ZNF207: variants seen among roughly 807,000 people sequenced by gnomAD.
ZNF207 encodes the protein zinc finger protein 207.
ZNF207 carries 24 observed loss-of-function variants against 60.2 expected under a neutral mutation model. That is an observed-to-expected ratio of 0.40 (90% CI 0.29 to 0.56). ZNF207 has a LOEUF of 0.56. Among genes scored for constraint, ZNF207 ranks in the 20% least tolerant of loss-of-function variants. ZNF207 has a pLI of 0.49. For synonymous variants in ZNF207, 236 were observed against 194.7 expected (o/e 1.21, Z -1.77); for missense variants, 452 against 636.6 (o/e 0.71, Z 3.12).
intron 6 of ZNF207, among the ~76,000 whole-genome samples, chr17:32,362,296 C>T (rs1041013929): frequency 6.6e-6 from 1 of 152,154 alleles, no homozygotes; most frequent in African/African-American, 2.4e-5. Context: ...TCTGGGACTA[C>T]AGGCGCACAC....
intron 3 of ZNF207, among the ~76,000 whole-genome samples, chr17:32,359,502 C>T (rs1904735353): frequency 6.6e-6 from 1 of 152,202 alleles, no homozygotes; most frequent in African/African-American, 2.4e-5. Context: ...CCTGCTGAGG[C>T]CTCCCTAAGT....
intron 2 of ZNF207, among the ~76,000 whole-genome samples, chr17:32,356,603 G>A (rs1039484523): frequency 2.0e-5 from 3 of 152,078 alleles, no homozygotes; most frequent in Non-Finnish European, 4.4e-5. Flanking sequence ...GTCTTAGGAG[G>A]AAAGAAAAAA....
chr17:32,358,690 T>G, intron 3 of ZNF207, 49 bp downstream of exon 3: 1 of 1,316,340 alleles, frequency 7.6e-7, no homozygotes, highest in Non-Finnish European at 9.7e-7. Flanking sequence ...TTTTTAATTT[T>G]TTTTTTTTTG....
chr17:32,365,137 C>T (rs931920566), intron 7 of ZNF207, among the ~76,000 whole-genome samples, 193 bp from the exon 8 acceptor site: 1 of 152,150 alleles, frequency 6.6e-6, no homozygotes, highest in African/African-American at 2.4e-5. Context: ...TCTTCCACTT[C>T]GTAAAATTCT....
At chr17:32,368,060 A>G (rs189780092) in intron 10 of ZNF207, 46 bp downstream of exon 10, 7 of 1,607,408 alleles carry the variant, frequency 4.4e-6, no homozygotes, top group Admixed American at 3.4e-5. Flanking sequence ...ATTTAAAGCC[A>G]TTATAGCAGT....
intron 9 of ZNF207, 54 bp downstream of exon 9, chr17:32,366,811 T>C: frequency 6.9e-7 from 1 of 1,446,080 alleles, no homozygotes; most frequent in Non-Finnish European, 9.3e-7. Context: ...AACTTAACCC[T>C]TTGGACCCTA....
intron 10 of ZNF207, 63 bp downstream of exon 10, chr17:32,368,077 C>T (rs1386823955): frequency 2.5e-6 from 4 of 1,589,742 alleles, no homozygotes; most frequent in Non-Finnish European, 3.4e-6. Flanking sequence ...CAGTTCGTCC[C>T]TTTAAAATAA....
At chr17:32,364,988 G>A (rs958260478) in intron 7 of ZNF207, among the ~76,000 whole-genome samples, 1 of 152,178 alleles carries the variant, frequency 6.6e-6, no homozygotes, top group African/African-American at 2.4e-5. Flanking sequence ...ATTTGCACTA[G>A]GGTTCAGGGA....
At position 32,367,912 on chromosome 17, in the gene ZNF207, T is replaced by C; in HGVS notation, c.1062T>C (p.Ser354=). Residue 354 remains serine (S), a synonymous_variant, in exon 10 of 12, where the codon AGT becomes AGC. Coordinates refer to ENST00000394670, the MANE Select transcript of ZNF207 (RefSeq NM_001098507.2). Reference sequence around the variant, plus strand: ...CTTCAACAACTAGTACAACAAATAGTACTGCAGCTAAACCAGCGGCTTCAA... The same window carrying C: ...CTTCAACAACTAGTACAACAAATAGCACTGCAGCTAAACCAGCGGCTTCAA... ...STASTTSTTN[S]TAAKPAASIT... is the part of the protein sequence containing the mutation. 6.2e-7 allele frequency: 1 copy of C among 1,614,172 alleles called. No individual in the cohort carries two copies. Among genetic ancestry groups the C allele is most frequent in the Non-Finnish European group, 8.5e-7 (1 of 1,180,022 alleles).
intron 7 of ZNF207, among the ~76,000 whole-genome samples, chr17:32,364,116 G>A (rs1190656726): frequency 6.7e-6 from 1 of 150,152 alleles, no homozygotes; most frequent in African/African-American, 2.4e-5. Context: ...CACTGCAGCC[G>A]CAGCCTCCCA....
rs1445385221 is a variant in ZNF207 at position 32,367,282 on chromosome 17, T to TATATATATATATATATATATAA, written c.922-487_922-486insTATATATATATATATATAAATA. Among the ~76,000 whole-genome samples the TATATATATATATATATATATAA allele has an allele frequency of 3.3e-3, 270 of 82,832 alleles. 7 individuals carry two copies. The highest frequency in any genetic ancestry group is 4.2e-3 in the Non-Finnish European group (192 of 45,798). The allele number at this position is 82,832 out of a possible 152,430, so 54.3% of individuals were successfully genotyped here. A position where few individuals can be genotyped will look rare whatever the true frequency, so the allele number is the denominator to read the frequency against. The stretch of plus-strand genomic sequence containing the variant: ...ATATATATATATATATATATATATA[T>TATATATATATATATATATATAA]ATAAAGAATACTACTAAAGGATGTA... On this transcript the variant is annotated intron_variant, in intron 9 of 11. Transcript: ENST00000394670.
At chr17:32,368,093 C>A in intron 10 of ZNF207, 79 bp downstream of exon 10, 1 of 1,562,568 alleles carries the variant, frequency 6.4e-7, no homozygotes, top group Non-Finnish European at 8.7e-7. Flanking sequence ...AATAAGTGTT[C>A]ATTTGTACTC....
Position 32,369,279 on chromosome 17 carries a change from T to C in ZNF207, c.1165-16T>C, listed in dbSNP as rs764390523. The C allele has an allele frequency of 2.1e-5, 34 of 1,612,682 alleles. No individual in the cohort carries two copies. Among genetic ancestry groups the C allele is most frequent in the Non-Finnish European group, 1.9e-5 (22 of 1,179,144 alleles). ...TGCATTCGAGTATTTAGCCCTGCGCTTATTTTTATTCCCAGGAAGAGAGAA... is the reference window on the plus strand; with the variant it reads ...TGCATTCGAGTATTTAGCCCTGCGCCTATTTTTATTCCCAGGAAGAGAGAA... On this transcript the variant is annotated splice_polypyrimidine_tract_variant and intron_variant, in intron 10 of 11. Coordinates refer to ENST00000394670, the MANE Select transcript of ZNF207 (RefSeq NM_001098507.2).
rs1370289127 is a variant in ZNF207, at chr17:32,369,681, G to C, written c.1407G>C (p.Val469=). The C allele has an allele frequency of 2.5e-6, 4 of 1,598,824 alleles. No homozygotes were observed. The Admixed American group carries it at 5.2e-5, about 21-fold the overall frequency. Residue 469 remains valine (V), a synonymous_variant, in exon 12 of 12, where the codon GTG becomes GTC. Coordinates refer to ENST00000394670, the MANE Select transcript of ZNF207 (RefSeq NM_001098507.2). ...CGTATGGGCAGGGACCGCCAATGGT[G>C]CCCCCTTACCAGGGTGGGCCTCCTC... ...MPPYGQGPPM[V]PPYQGGPPRP... is the part of the protein sequence containing the mutation.
chr17:32,362,797 A>G (rs1904958412), intron 6 of ZNF207, 117 bp from the exon 7 acceptor site: 2 of 676,372 alleles, frequency 3.0e-6, no homozygotes, highest in African/African-American at 3.7e-5. Flanking sequence ...TCATTTCAGT[A>G]TTAGAGGTCA....
At position 32,375,203 on chromosome 17, in the gene ZNF207, C is replaced by G. The variant is rs919511248; in HGVS notation, c.*5444C>G. The stretch of plus-strand genomic sequence containing the variant: ...GACTTGTTAAATAACATGTTTTTCA[C>G]TATAACTAATAGGATTTTAATATTT... On this transcript the variant is annotated 3_prime_UTR_variant, in exon 12 of 12. Transcript: ENST00000394670. 1.3e-5 allele frequency: 2 copies of G among 152,156 alleles called. No homozygotes were observed. The highest frequency in any genetic ancestry group is 1.9e-4 in the East Asian group (1 of 5,202). The allele number at this position is 152,156 out of a possible 1,614,324, so 9.4% of individuals were successfully genotyped here.
intron 3 of ZNF207, 134 bp from the exon 4 acceptor site, chr17:32,360,464 A>G: frequency 1.3e-6 from 1 of 759,656 alleles, no homozygotes; most frequent in East Asian, 2.7e-5. Context: ...AACATAGAGC[A>G]GTATTAATTG....
In ZNF207 at chr17:32,357,345, ATTATTATTT is replaced by A. The variant is rs1445230581; in HGVS notation, c.169-1155_169-1147del. Among the ~76,000 whole-genome samples the A allele has an allele frequency of 2.5e-3, 164 of 64,964 alleles. 1 individual carries two copies. Among genetic ancestry groups the A allele is most frequent in the African/African-American group, 0.011 (124 of 11,230 alleles). 42.6% of individuals were successfully genotyped at this position (64,964 alleles called of 152,430 possible). A position where few individuals can be genotyped will look rare whatever the true frequency, so the allele number is the denominator to read the frequency against. ...TATTATTATTATTATTATTATTATT[ATTATTATTT>A]TTTTTTTTTTTTGAGACAGAATCTC... On this transcript the variant is annotated intron_variant, in intron 2 of 11. Coordinates refer to ENST00000394670, the MANE Select transcript of ZNF207 (RefSeq NM_001098507.2).
chr17:32,350,332 C>T lies in ZNF207; in HGVS notation c.41+6C>T. 6.2e-7 allele frequency: 1 copy of T among 1,614,078 alleles called. No homozygotes were observed. Among genetic ancestry groups the T allele is most frequent in the Admixed American group, 1.7e-5 (1 of 60,022 alleles). On this transcript the variant is annotated splice_donor_region_variant and intron_variant, in intron 1 of 11. Transcript: ENST00000394670. Reference sequence around the variant, plus strand: ...CAGCTGAAGCCGTGGTGCTGGTATCCTTTGTCGGTTTGAAGTCGAGGTCGC... The same window carrying T: ...CAGCTGAAGCCGTGGTGCTGGTATCTTTTGTCGGTTTGAAGTCGAGGTCGC...
Sources: allele counts gnomAD v4.1 joint callset (sites outside exome capture counted in the v4.1 genomes callset), GRCh38; gene constraint gnomAD v4.1.1; transcripts MANE v1.5; gene names NCBI Gene and HGNC (gene_info 2026-07-23, HGNC 2026-07-21).